Variants in BRINP3 observed in about 807,000 individuals in gnomAD.
The protein encoded by BRINP3 is BMP/retinoic acid inducible neural specific 3, also known as BMP/retinoic acid-inducible neural-specific protein 3.
Under a neutral mutation model 71.0 loss-of-function variants are expected in BRINP3, and 19 were observed. That is an observed-to-expected ratio of 0.27 (90% CI 0.19 to 0.39). The LOEUF (loss-of-function observed/expected upper bound fraction) is 0.39, where lower values mean the gene tolerates loss of function less well. BRINP3 is among the 10% of genes least tolerant of loss of function. The pLI is 1.00. For synonymous variants in BRINP3, 380 were observed against 337.7 expected (o/e 1.13, Z -1.37); for missense variants, 959 against 940.8 (o/e 1.02, Z -0.25).
At chr1:190,336,380 T>G (rs1667286334) in intron 2 of BRINP3, among the ~76,000 whole-genome samples, 3 of 152,060 alleles carry the variant, frequency 2.0e-5, no homozygotes, top group Non-Finnish European at 4.4e-5. Flanking sequence ...TATAATAAAC[T>G]ATATATGAGT....
Position 190,098,914 on chromosome 1 carries a change from G to A in BRINP3, c.1405C>T (p.Leu469Phe), listed in dbSNP as rs1651439118. 1 of 1,614,190 alleles carries A rather than the reference G, an allele frequency of 6.2e-7. No homozygotes were observed. Among genetic ancestry groups the A allele is most frequent in the Non-Finnish European group, 8.5e-7 (1 of 1,180,040 alleles). Residue 469 changes from leucine to phenylalanine, a missense_variant, in exon 8 of 8, where the codon CTC becomes TTC. Physicochemically the swap from Leu to Phe is conservative, Grantham distance 22. Transcript: ENST00000367462. ...TCAGGCTTGCAGAGCCCCTGGCTGAGCATGTAGCCGGTGTTGCAGGTGCCG... is the reference window on the plus strand; with the variant it reads ...TCAGGCTTGCAGAGCCCCTGGCTGAACATGTAGCCGGTGTTGCAGGTGCCG... ...RCGTCNTGYM[L>F]SQGLCKPEVA...
chr1:190,278,919 A>AT (rs1662832645), intron 3 of BRINP3, among the ~76,000 whole-genome samples: 1 of 151,688 alleles, frequency 6.6e-6, no homozygotes, highest in Admixed American at 6.6e-5. Context: ...GGCATCCACC[A>AT]TATCAACATA....
intron 2 of BRINP3, among the ~76,000 whole-genome samples, chr1:190,330,957 C>A (rs1392184324): frequency 1.3e-5 from 2 of 151,724 alleles, no homozygotes; most frequent in Admixed American, 6.6e-5. Context: ...AACAACAGAA[C>A]CTGGAGACTA....
intron 2 of BRINP3, among the ~76,000 whole-genome samples, chr1:190,393,873 T>G (rs1292279669): frequency 6.6e-6 from 1 of 151,552 alleles, no homozygotes. Context: ...TTTTAATGTA[T>G]CCACATGCCT....
chr1:190,223,564 G>A (rs943700305), intron 6 of BRINP3, among the ~76,000 whole-genome samples: 6 of 151,860 alleles, frequency 4.0e-5, no homozygotes, highest in Non-Finnish European at 5.9e-5. Flanking sequence ...TGTGCTGAAT[G>A]AGAAAAATAA....
chr1:190,412,684 G>C (rs1052409895), intron 2 of BRINP3, among the ~76,000 whole-genome samples: 18 of 151,202 alleles, frequency 1.2e-4, no homozygotes, highest in African/African-American at 4.1e-4. Flanking sequence ...GGATGGTCTC[G>C]ATCTCCTGAC....
At position 190,335,506 on chromosome 1, in the gene BRINP3, A is replaced by G. The variant is rs546041190; in HGVS notation, c.237-53756T>C. On this transcript the variant is annotated intron_variant, in intron 2 of 7. Transcript: ENST00000367462. ...CATAATTGAAAAGTTTGAACCTCAT[A>G]TTGTTAAAGAAAACATTGTTAAGTT... Among the ~76,000 whole-genome samples the G allele has an allele frequency of 5.9e-5, 9 of 151,958 alleles. No individual in the cohort carries two copies. The South Asian group carries it at 1.9e-3, about 31-fold the overall frequency.
rs1659650805 is a variant in BRINP3, at chr1:190,246,759, T to A, written c.619-12282A>T. On this transcript the variant is annotated intron_variant, in intron 4 of 7. Transcript: ENST00000367462. The stretch of plus-strand genomic sequence containing the variant: ...CTGTTTTATGTGGCTTGCCTCCTTT[T>A]CCTACATTAATTTAATTTTACTTAT... 3.9e-5 allele frequency among the ~76,000 whole-genome samples: 6 copies of A among 152,178 alleles called. No individual in the cohort carries two copies. The South Asian group carries it at 1.0e-3, about 26-fold the overall frequency.
At chr1:190,124,010 A>G (rs1557987334) in intron 7 of BRINP3, among the ~76,000 whole-genome samples, 1 of 152,110 alleles carries the variant, frequency 6.6e-6, no homozygotes, top group Non-Finnish European at 1.5e-5. Flanking sequence ...CATTTGAAAT[A>G]TCTCTATACT....
intron 2 of BRINP3, among the ~76,000 whole-genome samples, chr1:190,414,946 C>T (rs901887559): frequency 1.3e-5 from 2 of 152,168 alleles, no homozygotes; most frequent in African/African-American, 4.8e-5. Flanking sequence ...AGACTAAAGA[C>T]AGACTCGGTC....
chr1:190,460,051 T>C (rs1407332609), intron 1 of BRINP3, among the ~76,000 whole-genome samples: 2 of 152,054 alleles, frequency 1.3e-5, no homozygotes, highest in Admixed American at 6.6e-5. Flanking sequence ...ATTTCTTCTC[T>C]TGAGCAAATA....
At chr1:190,109,245 C>A (rs534616384) in intron 7 of BRINP3, among the ~76,000 whole-genome samples, 1 of 152,190 alleles carries the variant, frequency 6.6e-6, no homozygotes. Context: ...TGAAAAGTTA[C>A]ATTTTTTCAT....
chr1:190,299,553 A>C (rs1244764283), intron 2 of BRINP3, among the ~76,000 whole-genome samples: 1 of 150,658 alleles, frequency 6.6e-6, no homozygotes, highest in Non-Finnish European at 1.5e-5. Context: ...ATCTAGCATT[A>C]GGTATATCTC....
At chr1:190,432,120 ATCCC>A (rs1674138951) in intron 2 of BRINP3, among the ~76,000 whole-genome samples, 3 of 152,196 alleles carry the variant, frequency 2.0e-5, no homozygotes. Context: ...AAATATGTAA[ATCCC>A]TGATAATTTT....
At chr1:190,359,098 CA>C (rs1387792277) in intron 2 of BRINP3, among the ~76,000 whole-genome samples, 4 of 152,058 alleles carry the variant, frequency 2.6e-5, no homozygotes, top group African/African-American at 9.6e-5. Context: ...GAATATGACA[CA>C]TGTATACATA....
At chr1:190,123,351 AACG>A (rs1653836531) in intron 7 of BRINP3, among the ~76,000 whole-genome samples, 1 of 151,370 alleles carries the variant, frequency 6.6e-6, no homozygotes, top group Non-Finnish European at 1.5e-5. Context: ...CATTACTAAT[AACG>A]ACTTCAGTCT....
intron 7 of BRINP3, among the ~76,000 whole-genome samples, chr1:190,104,914 A>T (rs1030730482): frequency 2.0e-5 from 3 of 152,032 alleles, no homozygotes; most frequent in African/African-American, 7.2e-5. Flanking sequence ...AACCTAAACT[A>T]TATAATTTCA....
intron 1 of BRINP3, among the ~76,000 whole-genome samples, chr1:190,457,489 T>C (rs1309429784): frequency 1.8e-5 from 2 of 111,124 alleles, no homozygotes; most frequent in Non-Finnish European, 3.9e-5. Flanking sequence ...CCAGCCCTTC[T>C]ACTAACGCTA....
chr1:190,272,369 T>C (rs1220642484), intron 3 of BRINP3, among the ~76,000 whole-genome samples: 1 of 151,468 alleles, frequency 6.6e-6, no homozygotes, highest in African/African-American at 2.4e-5. Flanking sequence ...ATCCTAGTAA[T>C]AGCACATCAT....
Sources: allele counts gnomAD v4.1 joint callset (sites outside exome capture counted in the v4.1 genomes callset), GRCh38; gene constraint gnomAD v4.1.1; transcripts MANE v1.5; gene names NCBI Gene and HGNC (gene_info 2026-07-23, HGNC 2026-07-21).